The following ZDHHC18 variants were observed in gnomAD, a reference collection of about 807,000 sequenced individuals.
ZDHHC18 encodes the protein palmitoyltransferase ZDHHC18.
A neutral mutation model predicts 37.5 loss-of-function variants in ZDHHC18; 23 were observed. That is an observed-to-expected ratio of 0.61 (90% CI 0.44 to 0.87). ZDHHC18 has a LOEUF of 0.87. Ranked by LOEUF, ZDHHC18 falls within the 40% of genes least tolerant of loss-of-function variation. The pLI is 0.00. For missense variants in ZDHHC18, 406 were observed against 525.6 expected (o/e 0.77, Z 2.22); for synonymous variants, 185 against 218.7 (o/e 0.85, Z 1.36).
intron 2 of ZDHHC18, among the ~76,000 whole-genome samples, chr1:26,843,676 A>G (rs2081649315): frequency 6.6e-6 from 1 of 151,010 alleles, no homozygotes; most frequent in Admixed American, 6.6e-5. Flanking sequence ...TGTAATCCCA[A>G]CTCCTCAGGA....
chr1:26,853,838 C>A lies in ZDHHC18; in HGVS notation c.1162C>A (p.Pro388Thr). The change falls in exon 8 of 8, where the codon CCC (proline) becomes ACC (threonine). Residue 388 changes from proline (P) to threonine (T), a missense_variant. By Grantham distance (38) the Pro-to-Thr change is conservative. Coordinates refer to ENST00000374142, the MANE Select transcript of ZDHHC18 (RefSeq NM_032283.3). The stretch of plus-strand genomic sequence containing the variant: ...TGATGCCAGCATGGTAGGAGGCCAC[C>A]CCTGACCACGGCTCAGTACTTGCCA... ...KPDASMVGGHP is the reference protein window; with the variant it reads ...KPDASMVGGHT The A allele has an allele frequency of 6.2e-7, 1 of 1,613,374 alleles. No homozygotes were observed. The highest frequency in any genetic ancestry group is 8.5e-7 in the Non-Finnish European group (1 of 1,179,970).
In ZDHHC18 at chr1:26,850,398, G is replaced by A. The variant is rs113768171; in HGVS notation, c.744G>A (p.Thr248=). 7 of 1,614,176 alleles carry A rather than the reference G, an allele frequency of 4.3e-6. No homozygotes were observed. Among genetic ancestry groups the A allele is most frequent in the Non-Finnish European group, 5.9e-6 (7 of 1,180,022 alleles). ...TTATTCTCTCCCTCTCATTCCTGACGGCCTTCATCTTCGCCTGTGTGGTCA... is the reference window on the plus strand; with the variant it reads ...TTATTCTCTCCCTCTCATTCCTGACAGCCTTCATCTTCGCCTGTGTGGTCA... ...YAFILSLSFL[T]AFIFACVVTH... Residue 248 remains threonine (T), a synonymous_variant, in exon 4 of 8, where the codon ACG becomes ACA. Coordinates refer to ENST00000374142, the MANE Select transcript of ZDHHC18 (RefSeq NM_032283.3). This position sits in a 1 kb window ranked among gnomAD's most constrained non-coding sequence, Gnocchi z 6.1.
At chr1:26,829,410 A>G (rs1158143570) in intron 1 of ZDHHC18, among the ~76,000 whole-genome samples, 1 of 151,856 alleles carries the variant, frequency 6.6e-6, no homozygotes, top group East Asian at 1.9e-4. Flanking sequence ...CCCTCCAGGC[A>G]TGTCATCCTC....
intron 1 of ZDHHC18, among the ~76,000 whole-genome samples, chr1:26,828,059 C>G (rs1164726653): frequency 6.6e-6 from 1 of 152,122 alleles, no homozygotes; most frequent in Non-Finnish European, 1.5e-5. Flanking sequence ...TTTTTGTCCT[C>G]TTCATATCCC....
intron 2 of ZDHHC18, among the ~76,000 whole-genome samples, chr1:26,833,580 G>A (rs537916524): frequency 1.3e-5 from 2 of 152,302 alleles, no homozygotes; most frequent in Non-Finnish European, 2.9e-5. Context: ...TGTGCTCCCA[G>A]GCAGCCCAGG....
intron 1 of ZDHHC18, among the ~76,000 whole-genome samples, chr1:26,830,387 G>A (rs923752725): frequency 2.0e-5 from 3 of 152,198 alleles, no homozygotes; most frequent in African/African-American, 7.2e-5. Context: ...AAAGTGGGGA[G>A]CATAACTTCA....
intron 2 of ZDHHC18, among the ~76,000 whole-genome samples, chr1:26,844,385 A>T (rs1184424928): frequency 1.3e-5 from 2 of 152,092 alleles, no homozygotes; most frequent in Admixed American, 6.6e-5. Context: ...GTAGTTGACG[A>T]TGGTTCGATT....
At position 26,854,977 on chromosome 1, in the gene ZDHHC18, C is replaced by T. The variant is rs1459997675; in HGVS notation, c.*1134C>T. Reference sequence around the variant, plus strand: ...GCCAAGGGGACAGGGGGCACGTGCACTGGTCACGAGAAAACCCTGGGCTCC... The same window carrying T: ...GCCAAGGGGACAGGGGGCACGTGCATTGGTCACGAGAAAACCCTGGGCTCC... On this transcript the variant is annotated 3_prime_UTR_variant, in exon 8 of 8. Transcript: ENST00000374142. This position sits in a 1 kb window ranked among gnomAD's most constrained non-coding sequence, Gnocchi z 4.6. 1 of 152,338 alleles carries T rather than the reference C, an allele frequency of 6.6e-6. No homozygotes were observed. Among genetic ancestry groups the T allele is most frequent in the African/African-American group, 2.4e-5 (1 of 41,462 alleles). The allele number at this position is 152,338 out of a possible 1,614,324, so 9.4% of individuals were successfully genotyped here.
At chr1:26,827,286 C>G in intron 1 of ZDHHC18, 147 bp downstream of exon 1, 1 of 649,114 alleles carries the variant, frequency 1.5e-6, no homozygotes, top group Non-Finnish European at 2.2e-6. Context: ...GGCCTCTTGT[C>G]TGCCCCCCTG....
intron 3 of ZDHHC18, among the ~76,000 whole-genome samples, chr1:26,849,090 T>G (rs1024904920): frequency 6.6e-6 from 1 of 152,160 alleles, no homozygotes; most frequent in Non-Finnish European, 1.5e-5. Flanking sequence ...ACTGGAACAA[T>G]AACATTCCAG....
chr1:26,827,175 C>G (rs1315847997), intron 1 of ZDHHC18, 36 bp downstream of exon 1: 2 of 1,328,416 alleles, frequency 1.5e-6, no homozygotes, highest in African/African-American at 3.1e-5. Context: ...CTCCCAGCCC[C>G]CTGCCGCGCA....
intron 6 of ZDHHC18, among the ~76,000 whole-genome samples, chr1:26,851,796 C>G (rs114462558): frequency 1.4e-3 from 213 of 152,296 alleles, no homozygotes; most frequent in African/African-American, 4.9e-3. Flanking sequence ...CTGCCCCTCT[C>G]AATATGCACG....
intron 6 of ZDHHC18, among the ~76,000 whole-genome samples, chr1:26,851,713 G>A (rs895523392): frequency 5.3e-5 from 8 of 152,180 alleles, no homozygotes; most frequent in East Asian, 1.9e-4. Context: ...ACAGGTATGC[G>A]CTCCCTCTTC....
intron 2 of ZDHHC18, among the ~76,000 whole-genome samples, chr1:26,843,360 C>T (rs931441627): frequency 6.7e-5 from 10 of 148,278 alleles, no homozygotes; most frequent in African/African-American, 2.2e-4. Context: ...AGGCTGGTCT[C>T]GAACTCCTGA....
chr1:26,853,025 T>C, intron 7 of ZDHHC18, 160 bp downstream of exon 7: 1 of 616,662 alleles, frequency 1.6e-6, no homozygotes, highest in Non-Finnish European at 2.8e-6. Flanking sequence ...TGGAGAATTG[T>C]TATTTAATCA....
rs1365518386 is a variant in ZDHHC18 at position 26,856,263 on chromosome 1, G to T, written c.*2420G>T. 2.3e-6 allele frequency: 1 copy of T among 443,176 alleles called. No individual in the cohort carries two copies. Among genetic ancestry groups the T allele is most frequent in the Non-Finnish European group, 4.6e-6 (1 of 216,246 alleles). 27.5% of individuals were successfully genotyped at this position (443,176 alleles called of 1,614,324 possible). A position where few individuals can be genotyped will look rare whatever the true frequency, so the allele number is the denominator to read the frequency against. On this transcript the variant is annotated 3_prime_UTR_variant, in exon 8 of 8. Transcript: ENST00000374142. This position sits in a 1 kb window ranked among gnomAD's most constrained non-coding sequence, Gnocchi z 5.2. ...AGGCCTCTTTGCAGAGGGTTAGCTG[G>T]TAAGACCGTTTCTTCCCTGTCGGCC...
chr1:26,852,256 C>T (rs1432091089), intron 6 of ZDHHC18, among the ~76,000 whole-genome samples: 2 of 152,216 alleles, frequency 1.3e-5, no homozygotes, highest in African/African-American at 4.8e-5. Context: ...CTAAACTCTC[C>T]AGTGCCTTCC....
At chr1:26,829,916 T>C (rs1265979632) in intron 1 of ZDHHC18, among the ~76,000 whole-genome samples, 1 of 152,102 alleles carries the variant, frequency 6.6e-6, no homozygotes. Context: ...TTTCAAGTCT[T>C]CTCTGTCCCC....
intron 2 of ZDHHC18, among the ~76,000 whole-genome samples, chr1:26,847,875 CTT>C (rs768513928): frequency 1.3e-5 from 2 of 152,146 alleles, no homozygotes; most frequent in Non-Finnish European, 2.9e-5. Flanking sequence ...ATGACATTGA[CTT>C]TTGTTAGAGA....
Sources: allele counts gnomAD v4.1 joint callset (sites outside exome capture counted in the v4.1 genomes callset), GRCh38; gene constraint gnomAD v4.1.1; non-coding constraint Gnocchi (gnomAD v3.1); transcripts MANE v1.5; gene names NCBI Gene and HGNC (gene_info 2026-07-23, HGNC 2026-07-21).